Variants in RECQL5 observed in about 807,000 individuals in gnomAD.
RECQL5 encodes ATP-dependent DNA helicase Q5.
A neutral mutation model predicts 103.4 loss-of-function variants in RECQL5; 88 were observed. That is an observed-to-expected ratio of 0.85 (90% CI 0.72 to 1.02). RECQL5 has a LOEUF of 1.02. Among genes scored for constraint, RECQL5 ranks in the 50% least tolerant of loss-of-function variants. The probability of loss-of-function intolerance (pLI) is 0.00; values close to 1 mark genes in which losing one functional copy is unlikely to be tolerated. For missense variants in RECQL5, 1,232 were observed against 1,284.3 expected (o/e 0.96, Z 0.62); for synonymous variants, 552 against 507.9 (o/e 1.09, Z -1.17).
Position 75,630,918 on chromosome 17 carries a change from C to T in RECQL5, c.1585+56G>A, listed in dbSNP as rs534552202. 3.1e-6 allele frequency: 5 copies of T among 1,600,112 alleles called. No homozygotes were observed. The Admixed American group carries it at 6.9e-5, about 22-fold the overall frequency. On this transcript the variant is annotated intron_variant, in intron 11 of 19. Transcript: ENST00000317905. Reference sequence around the variant, plus strand: ...GTCCCCCACAGCCCGGATGAGAATCCTCCCTCCATGCCCCGGGAAGAGCCC... The same window carrying T: ...GTCCCCCACAGCCCGGATGAGAATCTTCCCTCCATGCCCCGGGAAGAGCCC...
intron 8 of RECQL5, chr17:75,633,857 G>A: frequency 1.0e-6 from 1 of 996,336 alleles, no homozygotes; most frequent in African/African-American, 1.7e-5. Context: ...CACGGCGTGG[G>A]AGTCGGGGAG....
In RECQL5 at chr17:75,665,124, A is replaced by G; in HGVS notation, c.179T>C (p.Leu60Pro). 3 of 1,612,362 alleles carry G rather than the reference A, an allele frequency of 1.9e-6. No individual in the cohort carries two copies. The highest frequency in any genetic ancestry group is 2.5e-6 in the Non-Finnish European group (3 of 1,179,422). The change falls in exon 3 of 20, where the codon CTA becomes CCA. Residue 60 changes from leucine (L) to proline (P), a missense_variant. Leu to Pro is a moderately conservative substitution (Grantham distance 98, BLOSUM62 -3). Transcript: ENST00000317905. Reference sequence around the variant, plus strand: ...CAACAGAGCAGGGAGCTGATAGCATAGGGATTTTCCTGCCCCTGTGGGCAT... The same window carrying G: ...CAACAGAGCAGGGAGCTGATAGCATGGGGATTTTCCTGCCCCTGTGGGCAT... ...VCMPTGAGKS[L>P]CYQLPALLAK... is the part of the protein sequence containing the mutation.
rs999961531 is a variant in RECQL5, at chr17:75,640,208, G to A, written c.1230-8540C>T. 3.0e-5 allele frequency: 47 copies of A among 1,548,290 alleles called. No homozygotes were observed. The African/African-American group carries it at 5.3e-4, about 18-fold the overall frequency. The stretch of plus-strand genomic sequence containing the variant: ...AACAGGAAGCCAGCGCGGCATGGCT[G>A]CCACCGACTTCGTGCAGGAGATGCG... On this transcript the variant is annotated intron_variant, in intron 8 of 19. Transcript: ENST00000317905. This position sits in a 1 kb window ranked among gnomAD's most constrained non-coding sequence, Gnocchi z 4.6.
rs181741527 is a variant in RECQL5, at chr17:75,653,381, G to T, written c.1150-2116C>A. ...CAACTTCCTTCCTTGCCCATTCCTG[G>T]AGGTAATTCCCCTCTTAGTGACCGA... On this transcript the variant is annotated intron_variant, in intron 7 of 19. Transcript: ENST00000317905. Among the ~76,000 whole-genome samples the T allele has an allele frequency of 4.1e-4, 63 of 152,298 alleles. 1 individual carries two copies. The East Asian group carries it at 0.01, about 25-fold the overall frequency.
Position 75,627,704 on chromosome 17 carries a change from A to G in RECQL5, c.2806-12T>C, listed in dbSNP as rs2059122948. 2 of 1,596,098 alleles carry G rather than the reference A, an allele frequency of 1.3e-6. No individual in the cohort carries two copies. The highest frequency in any genetic ancestry group is 1.7e-6 in the Non-Finnish European group (2 of 1,170,766). On this transcript the variant is annotated splice_polypyrimidine_tract_variant and intron_variant, in intron 18 of 19. Coordinates refer to ENST00000317905, the MANE Select transcript of RECQL5 (RefSeq NM_004259.7). Reference sequence around the variant, plus strand: ...CCTTTAAACAACTCCTGGAAGGGAGAGGGAGAAGAGAAGCAGAGAGCAGGA... The same window carrying G: ...CCTTTAAACAACTCCTGGAAGGGAGGGGGAGAAGAGAAGCAGAGAGCAGGA...
At chr17:75,654,455 T>G (rs928456325) in intron 7 of RECQL5, among the ~76,000 whole-genome samples, 1 of 152,192 alleles carries the variant, frequency 6.6e-6, no homozygotes, top group African/African-American at 2.4e-5. Context: ...CTGGGTAAGT[T>G]TCCATCTTTG....
At chr17:75,634,260 T>C in intron 8 of RECQL5, 1 of 985,392 alleles carries the variant, frequency 1.0e-6, no homozygotes. Context: ...AAGGGTCCCC[T>C]GCCCCCAGGG....
rs889627375 is a variant in RECQL5 at position 75,627,196 on chromosome 17, T to G, written c.*226A>C. ...ACATGTGTCCCAGAAAACCCAGCCA[T>G]GAGGACCGCTCTGAGAAGGGTCTAT... On this transcript the variant is annotated 3_prime_UTR_variant, in exon 20 of 20. Coordinates refer to ENST00000317905, the MANE Select transcript of RECQL5 (RefSeq NM_004259.7). 1.5e-6 allele frequency: 1 copy of G among 645,306 alleles called. No homozygotes were observed. The highest frequency in any genetic ancestry group is 1.8e-5 in the African/African-American group (1 of 55,906). 40.0% of individuals were successfully genotyped at this position (645,306 alleles called of 1,614,324 possible).
rs1456663690 is a variant in RECQL5 at position 75,629,225 on chromosome 17, T to C, written c.2198A>G (p.Lys733Arg). 5 of 1,612,908 alleles carry C rather than the reference T, an allele frequency of 3.1e-6. No individual in the cohort carries two copies. Among genetic ancestry groups the C allele is most frequent in the Non-Finnish European group, 4.2e-6 (5 of 1,179,818 alleles). ...YGGPSPEKKA[K>R]SSSGGSSLAK... The stretch of plus-strand genomic sequence containing the variant: ...AAGGGAGCTGCCCCCAGAGGAACTT[T>C]TTGCCTTCTTCTCAGGGGAGGGCCC... Residue 733 changes from lysine to arginine, a missense_variant, in exon 16 of 20, where the codon AAA becomes AGA. Lys to Arg is a conservative substitution (Grantham distance 26). Coordinates refer to ENST00000317905, the MANE Select transcript of RECQL5 (RefSeq NM_004259.7).
chr17:75,663,210 T>C (rs924985571), intron 3 of RECQL5, among the ~76,000 whole-genome samples: 1 of 152,180 alleles, frequency 6.6e-6, no homozygotes, highest in Non-Finnish European at 1.5e-5. Flanking sequence ...TTAGGAATAT[T>C]TGCAGATTGC....
At position 75,666,559 on chromosome 17, in the gene RECQL5, T is replaced by C; in HGVS notation, c.-2A>G. The C allele has an allele frequency of 6.2e-7, 1 of 1,614,030 alleles. No homozygotes were observed. Among genetic ancestry groups the C allele is most frequent in the Non-Finnish European group, 8.5e-7 (1 of 1,180,006 alleles). On this transcript the variant is annotated 5_prime_UTR_variant, in exon 2 of 20. Transcript: ENST00000317905. The stretch of plus-strand genomic sequence containing the variant: ...AAAGGTGGTATGGTGGCTGCTCATC[T>C]TAGCCAAGAACAGTGGCCAAAGGTT...
chr17:75,647,537 C>T (rs577666083), intron 8 of RECQL5: 1 of 1,550,334 alleles, frequency 6.5e-7, no homozygotes, highest in Non-Finnish European at 8.7e-7. Context: ...ACAGAAAACA[C>T]TCAGTGTGAA....
At chr17:75,641,727 T>C (rs1486594742) in intron 8 of RECQL5, among the ~76,000 whole-genome samples, 3 of 152,220 alleles carry the variant, frequency 2.0e-5, no homozygotes, top group Admixed American at 2.0e-4. Context: ...ACCTTTGGCC[T>C]GCACATCCCA....
At chr17:75,665,283 G>A (rs1010885967) in intron 2 of RECQL5, 111 bp from the exon 3 acceptor site, 1 of 968,574 alleles carries the variant, frequency 1.0e-6, no homozygotes, top group Non-Finnish European at 1.6e-6. Flanking sequence ...CTGGCACATG[G>A]GAGGGTCTCG....
intron 9 of RECQL5, 78 bp downstream of exon 9, chr17:75,631,372 A>T (rs2059210253): frequency 6.5e-7 from 1 of 1,548,400 alleles, no homozygotes; most frequent in Non-Finnish European, 8.9e-7. Flanking sequence ...GCATCGTGCC[A>T]CCTCTGGTCT....
chr17:75,665,416 G>A (rs762748196), intron 2 of RECQL5, among the ~76,000 whole-genome samples: 1 of 152,284 alleles, frequency 6.6e-6, no homozygotes, highest in South Asian at 2.1e-4. Flanking sequence ...TCTGGGTCAA[G>A]CGCAGTGGCT....
At chr17:75,661,159 T>C in intron 5 of RECQL5, 93 bp from the exon 6 acceptor site, 1 of 904,444 alleles carries the variant, frequency 1.1e-6, no homozygotes. Context: ...GCTAGGCACT[T>C]CACAAACCCT....
chr17:75,640,019 A>G lies in RECQL5; in HGVS notation c.1230-8351T>C, dbSNP rs2059404025. ...AGCTGGGTGGGGACTGAGGGCCACC[A>G]CTAGGTGGAAGTCACCAGGGGTGCA... On this transcript the variant is annotated intron_variant, in intron 8 of 19. Transcript: ENST00000317905. The surrounding 1 kb of genome is among the most constrained non-coding windows in gnomAD (Gnocchi z 4.6). The G allele has an allele frequency of 1.3e-6, 1 of 798,858 alleles. No individual in the cohort carries two copies. The highest frequency in any genetic ancestry group is 1.9e-6 in the Non-Finnish European group (1 of 531,774). 49.5% of individuals were successfully genotyped at this position (798,858 alleles called of 1,614,324 possible).
chr17:75,648,636 T>G (rs1205290994), intron 8 of RECQL5, among the ~76,000 whole-genome samples: 2 of 150,770 alleles, frequency 1.3e-5, no homozygotes, highest in African/African-American at 4.9e-5. Context: ...GCCTCCAAAG[T>G]GCTAGGATTA....
Sources: allele counts gnomAD v4.1 joint callset (sites outside exome capture counted in the v4.1 genomes callset), GRCh38; gene constraint gnomAD v4.1.1; non-coding constraint Gnocchi (gnomAD v3.1); transcripts MANE v1.5; gene names NCBI Gene and HGNC (gene_info 2026-07-23, HGNC 2026-07-21).